Variants in FBXO32 observed in about 807,000 individuals in gnomAD.
FBXO32 encodes the protein F-box only protein 32.
Under a neutral mutation model 48.3 loss-of-function variants are expected in FBXO32, and 15 were observed. The ratio of observed to expected loss-of-function variants is 0.31; its 90% confidence interval spans 0.21 to 0.48. The LOEUF (loss-of-function observed/expected upper bound fraction) is 0.48. Ranked by LOEUF, FBXO32 falls within the 20% of genes least tolerant of loss-of-function variation. The probability of loss-of-function intolerance (pLI) is 0.99; values close to 1 mark genes in which losing one functional copy is unlikely to be tolerated. For missense variants in FBXO32, 309 were observed against 432.7 expected (o/e 0.71, Z 2.54); for synonymous variants, 154 against 165.9 (o/e 0.93, Z 0.55).
chr8:123,524,869 C>T (rs1221755749), intron 4 of FBXO32, among the ~76,000 whole-genome samples: 6 of 152,206 alleles, frequency 3.9e-5, no homozygotes, highest in Admixed American at 1.3e-4. Flanking sequence ...GGCTTTATTG[C>T]TGCTGCAGTG....
intron 4 of FBXO32, among the ~76,000 whole-genome samples, chr8:123,517,476 C>A (rs1314021909): frequency 8.8e-6 from 1 of 114,040 alleles, no homozygotes; most frequent in African/African-American, 2.8e-5. Context: ...GTCCCCCCTA[C>A]CTTTTTTTTT....
rs1290711291 is a variant in FBXO32 at position 123,498,780 on chromosome 8, A to C, written c.*4593T>G. 6.6e-6 allele frequency: 1 copy of C among 152,216 alleles called. No individual in the cohort carries two copies. The highest frequency in any genetic ancestry group is 1.5e-5 in the Non-Finnish European group (1 of 68,036). 9.4% of individuals were successfully genotyped at this position (152,216 alleles called of 1,614,324 possible). A position where few individuals can be genotyped will look rare whatever the true frequency, so the allele number is the denominator to read the frequency against. ...TTTGTAATAAAAATGTAAGTACCCA[A>C]GGAAGAAATAAAATTGTCAAAATAT... On this transcript the variant is annotated 3_prime_UTR_variant, in exon 9 of 9. Coordinates refer to ENST00000517956, the MANE Select transcript of FBXO32 (RefSeq NM_058229.4).
At chr8:123,522,405 C>T (rs1816975816) in intron 4 of FBXO32, among the ~76,000 whole-genome samples, 1 of 151,986 alleles carries the variant, frequency 6.6e-6, no homozygotes. Context: ...GACGGTGTTT[C>T]ACCATGTTGG....
In FBXO32 at chr8:123,514,192, C is replaced by T. The variant is rs1178297536; in HGVS notation, c.466+48G>A. The T allele has an allele frequency of 9.8e-6, 14 of 1,421,692 alleles. No homozygotes were observed. The East Asian group carries it at 3.3e-4, about 33-fold the overall frequency. 88.1% of individuals were successfully genotyped at this position (1,421,692 alleles called of 1,614,324 possible). A position where few individuals can be genotyped will look rare whatever the true frequency, so the allele number is the denominator to read the frequency against. ...CCACTTCATTGGAAAATCCATCTGC[C>T]CACCTCCATGCCTATAAAAAGGGGC... On this transcript the variant is annotated intron_variant, in intron 5 of 8. Transcript: ENST00000517956.
Position 123,538,411 on chromosome 8 carries a change from C to A in FBXO32, c.116+2488G>T, listed in dbSNP as rs1235315855. ...TCTCTGTAGTTCTCTGTTTCACGGT[C>A]CCTCCCCGCTTAAGGGCCTGCCTTT... On this transcript the variant is annotated intron_variant, in intron 1 of 8. Coordinates refer to ENST00000517956, the MANE Select transcript of FBXO32 (RefSeq NM_058229.4). Among the ~76,000 whole-genome samples, 8 of 152,132 alleles carry A rather than the reference C, an allele frequency of 5.3e-5. No homozygotes were observed. In the East Asian group the frequency reaches 1.5e-3, roughly 29 times the overall value.
intron 1 of FBXO32, among the ~76,000 whole-genome samples, chr8:123,536,420 C>G (rs1489375772): frequency 6.6e-6 from 1 of 152,122 alleles, no homozygotes. Flanking sequence ...AATCACTGAC[C>G]AGCTGATTAT....
chr8:123,504,887 C>CTA (rs1385940570), intron 7 of FBXO32, 140 bp from the exon 8 acceptor site: 1 of 731,272 alleles, frequency 1.4e-6, no homozygotes, highest in African/African-American at 1.8e-5. Context: ...AAAACTGTCA[C>CTA]TATATAAAGA....
intron 4 of FBXO32, 102 bp from the exon 5 acceptor site, chr8:123,514,435 G>T: frequency 1.3e-6 from 1 of 763,064 alleles, no homozygotes; most frequent in Non-Finnish European, 2.0e-6. Context: ...AGACTGACGG[G>T]GAGAGATAAA....
Position 123,513,484 on chromosome 8 carries a change from G to C in FBXO32, c.467-102C>G. The C allele has an allele frequency of 3.0e-6, 3 of 994,224 alleles. No homozygotes were observed. Among genetic ancestry groups the C allele is most frequent in the Non-Finnish European group, 4.5e-6 (3 of 673,650 alleles). 61.6% of individuals were successfully genotyped at this position (994,224 alleles called of 1,614,324 possible). A position where few individuals can be genotyped will look rare whatever the true frequency, so the allele number is the denominator to read the frequency against. ...TCTGTATTCCACTCATGTTACCCAGGCACTGCCTCTGGGGATATGGTTTTC... is the reference window on the plus strand; with the variant it reads ...TCTGTATTCCACTCATGTTACCCAGCCACTGCCTCTGGGGATATGGTTTTC... On this transcript the variant is annotated intron_variant, in intron 5 of 8. Coordinates refer to ENST00000517956, the MANE Select transcript of FBXO32 (RefSeq NM_058229.4). This position sits in a 1 kb window ranked among gnomAD's most constrained non-coding sequence, Gnocchi z 4.3.
At chr8:123,534,895 G>GTTAT in intron 1 of FBXO32, 81 bp from the exon 2 acceptor site, 4 of 787,012 alleles carry the variant, frequency 5.1e-6, no homozygotes, top group Non-Finnish European at 8.2e-6. Context: ...AACTCACTGA[G>GTTAT]TTATAAGACA....
chr8:123,533,290 G>A (rs760130232), intron 2 of FBXO32, 50 bp from the exon 3 acceptor site: 1 of 1,387,684 alleles, frequency 7.2e-7, no homozygotes, highest in African/African-American at 1.4e-5. Context: ...ACATGCTCAA[G>A]ATTTAAGACA....
rs1816531340 is a variant in FBXO32 at position 123,503,116 on chromosome 8, GC to G, written c.*256del. ...ATAGAATTATTGCCCTTATAGTCTT[GC>G]TGGCAAATTGTTAGAAAAAAAGTTT... On this transcript the variant is annotated 3_prime_UTR_variant, in exon 9 of 9. Transcript: ENST00000517956. 2.5e-5 allele frequency: 8 copies of G among 314,250 alleles called. No individual in the cohort carries two copies. The highest frequency in any genetic ancestry group is 9.3e-4 in the Middle Eastern group (1 of 1,076). 19.5% of individuals were successfully genotyped at this position (314,250 alleles called of 1,614,324 possible). A position where few individuals can be genotyped will look rare whatever the true frequency, so the allele number is the denominator to read the frequency against.
intron 4 of FBXO32, chr8:123,526,899 T>C (rs912791952): frequency 3.3e-5 from 5 of 152,114 alleles, no homozygotes; most frequent in Admixed American, 6.5e-5. Context: ...GTAAATACTC[T>C]AGGCTTGCAG....
chr8:123,533,794 C>A (rs1041312702), intron 2 of FBXO32, among the ~76,000 whole-genome samples: 1 of 151,768 alleles, frequency 6.6e-6, no homozygotes, highest in African/African-American at 2.4e-5. Context: ...GGCGACAGAG[C>A]GAGACTCCGT....
At chr8:123,539,612 T>G (rs1162970434) in intron 1 of FBXO32, among the ~76,000 whole-genome samples, 1 of 152,240 alleles carries the variant, frequency 6.6e-6, no homozygotes, top group Non-Finnish European at 1.5e-5. Flanking sequence ...ATAATGTCTT[T>G]CTTTACATTG....
intron 2 of FBXO32, among the ~76,000 whole-genome samples, chr8:123,534,467 AG>A (rs1211664700): frequency 6.6e-6 from 1 of 152,178 alleles, no homozygotes; most frequent in Non-Finnish European, 1.5e-5. Context: ...CAGGAAAAAA[AG>A]GCCCTCAACT....
chr8:123,541,175 G>C lies in FBXO32; in HGVS notation c.-161C>G, dbSNP rs890240119. 1.5e-5 allele frequency: 6 copies of C among 391,826 alleles called. No individual in the cohort carries two copies. Among genetic ancestry groups the C allele is most frequent in the Non-Finnish European group, 2.2e-5 (5 of 224,084 alleles). 24.3% of individuals were successfully genotyped at this position (391,826 alleles called of 1,614,324 possible). On this transcript the variant is annotated 5_prime_UTR_variant, in exon 1 of 9. Transcript: ENST00000517956. ...CCCTGCGGGGTGGCGGGCGCGGAGA[G>C]GATCTCAAGCGTTGCAGGCTCCGGG...
intron 1 of FBXO32, among the ~76,000 whole-genome samples, chr8:123,539,308 C>T (rs1407840306): frequency 6.6e-6 from 1 of 152,032 alleles, no homozygotes; most frequent in Non-Finnish European, 1.5e-5. Flanking sequence ...AAATAAAGTA[C>T]CAACATATTA....
intron 6 of FBXO32, among the ~76,000 whole-genome samples, chr8:123,512,529 CTTTTTTTTTT>C (rs1205869212): frequency 7.4e-6 from 1 of 135,388 alleles, no homozygotes; most frequent in African/African-American, 2.7e-5. Context: ...GTCTTCCTCC[CTTTTTTTTTT>C]TTTTTTTTTC....
Sources: gnomAD v4.1 joint callset for allele counts (sites outside exome capture counted in the v4.1 genomes callset) on GRCh38, gnomAD v4.1.1 for gene constraint, Gnocchi (gnomAD v3.1) non-coding constraint, MANE v1.5 for transcripts, NCBI Gene and HGNC (gene_info 2026-07-23, HGNC 2026-07-21) for gene names.